Variants in ZDHHC15 observed in about 807,000 individuals in gnomAD.
The protein encoded by ZDHHC15 is zDHHC palmitoyltransferase 15, also known as palmitoyltransferase ZDHHC15.
Under a neutral mutation model 31.7 loss-of-function variants are expected in ZDHHC15, and 19 were observed. The observed-to-expected ratio is 0.60, with a 90% confidence interval of 0.42 to 0.88. The LOEUF (loss-of-function observed/expected upper bound fraction) is 0.88, where lower values mean the gene tolerates loss of function less well. Ranked by LOEUF, ZDHHC15 falls within the 40% of genes least tolerant of loss-of-function variation. The pLI is 0.00. For missense variants in ZDHHC15, 209 were observed against 251.2 expected (o/e 0.83, Z 1.14); for synonymous variants, 103 against 90.0 (o/e 1.14, Z -0.82).
rs149486086 is a variant in ZDHHC15 at position 75,408,785 on chromosome X, A to T, written c.967+8302T>A. Among the ~76,000 whole-genome samples the T allele has an allele frequency of 4.0e-3, 451 of 112,749 alleles. 1 individual carries two copies. The highest frequency in any genetic ancestry group is 0.013 in the African/African-American group (402 of 31,093). ...AAATCAACCTACGAAAATCAGTAGA[A>T]TTTATGCACACCAACAACAAACAAT... On this transcript the variant is annotated intron_variant, in intron 10 of 11. Coordinates refer to ENST00000373367, the MANE Select transcript of ZDHHC15 (RefSeq NM_144969.3).
At chrX:75,487,837 C>T (rs1464243741) in intron 2 of ZDHHC15, among the ~76,000 whole-genome samples, 1 of 111,623 alleles carries the variant, frequency 9.0e-6, no homozygotes, top group Non-Finnish European at 1.9e-5. Context: ...AAAAGACAAA[C>T]ACAAATTCTG....
intron 2 of ZDHHC15, among the ~76,000 whole-genome samples, chrX:75,494,251 G>T (rs1341610756): frequency 1.8e-5 from 2 of 111,148 alleles, no homozygotes; most frequent in East Asian, 2.8e-4. Context: ...TCTTCAAGGA[G>T]AACTACAAAC....
chrX:75,446,443 A>T (rs1337736509), intron 4 of ZDHHC15, among the ~76,000 whole-genome samples: 1 of 112,076 alleles, frequency 8.9e-6, no homozygotes, highest in Non-Finnish European at 1.9e-5. Context: ...CCTTTCACTA[A>T]CACTGTGAGA....
intron 10 of ZDHHC15, among the ~76,000 whole-genome samples, chrX:75,407,287 C>T (rs916808579): frequency 6.1e-4 from 67 of 110,298 alleles, no homozygotes; most frequent in Non-Finnish European, 1.1e-3. Context: ...GGAGCCCCTC[C>T]GCCCAGCAGC....
intron 3 of ZDHHC15, among the ~76,000 whole-genome samples, chrX:75,467,051 A>G (rs2084418162): frequency 1.8e-5 from 2 of 112,152 alleles, no homozygotes; most frequent in African/African-American, 6.5e-5. Flanking sequence ...TTAAAATAAA[A>G]GTTTAAGACA....
At chrX:75,480,186 C>G (rs1295645688) in intron 2 of ZDHHC15, among the ~76,000 whole-genome samples, 1 of 111,213 alleles carries the variant, frequency 9.0e-6, no homozygotes, top group East Asian at 2.8e-4. Context: ...GCTCAGTTCT[C>G]CCAGCCCTAC....
At chrX:75,482,947 C>T (rs751728613) in intron 2 of ZDHHC15, among the ~76,000 whole-genome samples, 9 of 105,443 alleles carry the variant, frequency 8.5e-5, no homozygotes, top group South Asian at 8.4e-4. Context: ...TTAACCTTGC[C>T]GATAATCATA....
chrX:75,398,891 C>T (rs1489343307), intron 10 of ZDHHC15, among the ~76,000 whole-genome samples: 1 of 112,112 alleles, frequency 8.9e-6, no homozygotes, highest in Non-Finnish European at 1.9e-5. Context: ...TTAAGCAGTT[C>T]CCAATCCTGT....
rs1235221181 is a variant in ZDHHC15 at position 75,490,382 on chromosome X, A to G, written c.164-11397T>C. On this transcript the variant is annotated intron_variant, in intron 2 of 11. Transcript: ENST00000373367. ...ACAAAGGGGAGCCCATCAGACTAAC[A>G]GATGATCTCTCAGCAGAAATTCTAC... Among the ~76,000 whole-genome samples the G allele has an allele frequency of 2.7e-5, 3 of 112,156 alleles. No individual in the cohort carries two copies. The Admixed American group carries it at 2.8e-4, about 11-fold the overall frequency.
intron 1 of ZDHHC15, among the ~76,000 whole-genome samples, chrX:75,517,209 C>A (rs1269244118): frequency 9.0e-6 from 1 of 111,656 alleles, no homozygotes; most frequent in Non-Finnish European, 1.9e-5. Context: ...ACTAGAAATA[C>A]TAATTGACCC....
intron 2 of ZDHHC15, among the ~76,000 whole-genome samples, chrX:75,483,011 A>G (rs1032391269): frequency 3.8e-5 from 4 of 105,650 alleles, no homozygotes; most frequent in South Asian, 4.1e-4. Flanking sequence ...GTATATATAT[A>G]TATATGTATA....
intron 10 of ZDHHC15, among the ~76,000 whole-genome samples, chrX:75,412,551 C>T (rs1415454548): frequency 9.0e-6 from 1 of 110,771 alleles, no homozygotes; most frequent in Non-Finnish European, 1.9e-5. Context: ...CCTGCCTCAA[C>T]CTCCCGAGTA....
In ZDHHC15 at chrX:75,379,265, T is replaced by C. The variant is rs1434321410; in HGVS notation, c.968-67A>G. ...CTTATATGGGTGGGTATTCATTCACTGGCAGTTTTCCTTCTTGTTCAATCT... is the reference window on the plus strand; with the variant it reads ...CTTATATGGGTGGGTATTCATTCACCGGCAGTTTTCCTTCTTGTTCAATCT... On this transcript the variant is annotated intron_variant, in intron 10 of 11. Coordinates refer to ENST00000373367, the MANE Select transcript of ZDHHC15 (RefSeq NM_144969.3). 3.6e-6 allele frequency: 4 copies of C among 1,124,630 alleles called. No homozygotes were observed. In the East Asian group the frequency reaches 9.0e-5, roughly 25 times the overall value. The allele number at this position is 1,124,630 out of a possible 1,213,427, so 92.7% of individuals were successfully genotyped here. A position where few individuals can be genotyped will look rare whatever the true frequency, so the allele number is the denominator to read the frequency against.
intron 2 of ZDHHC15, among the ~76,000 whole-genome samples, chrX:75,486,397 A>C (rs1334682188): frequency 1.8e-5 from 2 of 112,407 alleles, no homozygotes; most frequent in African/African-American, 3.2e-5. Context: ...AGAATGAAAA[A>C]AGCTTCTAGC....
At chrX:75,378,659 C>A (rs1387908031) in intron 11 of ZDHHC15, among the ~76,000 whole-genome samples, 1 of 111,796 alleles carries the variant, frequency 8.9e-6, no homozygotes, top group Admixed American at 9.5e-5. Flanking sequence ...CACTACTTAA[C>A]AAACTCATAG....
At chrX:75,421,741 A>G in intron 9 of ZDHHC15, 123 bp downstream of exon 9, 6 of 734,896 alleles carry the variant, frequency 8.2e-6, no homozygotes, top group Non-Finnish European at 9.4e-6. Context: ...CCTAGAAATG[A>G]AGAACTTGGG....
intron 9 of ZDHHC15, among the ~76,000 whole-genome samples, chrX:75,419,404 A>G (rs1293665083): frequency 8.9e-6 from 1 of 111,907 alleles, no homozygotes; most frequent in Non-Finnish European, 1.9e-5. Flanking sequence ...AATGAGTACC[A>G]TCTCACACCA....
intron 3 of ZDHHC15, among the ~76,000 whole-genome samples, chrX:75,478,150 G>C (rs1443807051): frequency 9.0e-6 from 1 of 111,605 alleles, no homozygotes; most frequent in Non-Finnish European, 1.9e-5. Context: ...TAAAAATATT[G>C]CATGAAACAC....
chrX:75,483,290 G>A (rs1219377897), intron 2 of ZDHHC15, among the ~76,000 whole-genome samples: 2 of 109,967 alleles, frequency 1.8e-5, no homozygotes, highest in African/African-American at 3.3e-5. Context: ...ATGAACCACG[G>A]GTTTGTTAAA....
Sources: gnomAD v4.1 joint callset for allele counts (sites outside exome capture counted in the v4.1 genomes callset) on GRCh38, gnomAD v4.1.1 for gene constraint, MANE v1.5 for transcripts, NCBI Gene and HGNC (gene_info 2026-07-23, HGNC 2026-07-21) for gene names.